The following CSMD3 variants were observed in gnomAD, a reference collection of about 807,000 sequenced individuals.
CSMD3 encodes the protein CUB and Sushi multiple domains 3, also known as CUB and sushi domain-containing protein 3.
A neutral mutation model predicts 435.2 loss-of-function variants in CSMD3; 177 were observed. That is an observed-to-expected ratio of 0.41 (90% CI 0.36 to 0.46). CSMD3 has a LOEUF of 0.46. Ranked by LOEUF, CSMD3 falls within the 20% of genes least tolerant of loss-of-function variation. CSMD3 has a pLI of 0.34. For missense variants in CSMD3, 4,265 were observed against 4,504.6 expected, an observed-to-expected ratio of 0.95 and a Z score of 1.52; for synonymous variants, 1,656 against 1,520.5, an observed-to-expected ratio of 1.09 and a Z score of -2.07.
chr8:112,536,933 A>C (rs921942846), intron 27 of CSMD3, among the ~76,000 whole-genome samples: 1 of 151,584 alleles, frequency 6.6e-6, no homozygotes, highest in African/African-American at 2.4e-5. Flanking sequence ...AAAACCAAAC[A>C]CCGCATATTC....
At chr8:113,268,892 A>G (rs2093495143) in intron 3 of CSMD3, among the ~76,000 whole-genome samples, 1 of 152,032 alleles carries the variant, frequency 6.6e-6, no homozygotes, top group African/African-American at 2.4e-5. Flanking sequence ...ATTCAGATAT[A>G]TTTTATACGT....
rs189772073 is a variant in CSMD3 at position 113,170,996 on chromosome 8, A to C, written c.709+2726T>G. Among the ~76,000 whole-genome samples, 166 of 151,934 alleles carry C rather than the reference A, an allele frequency of 1.1e-3. 1 individual carries two copies. The highest frequency in any genetic ancestry group is 8.5e-4 in the Non-Finnish European group (58 of 67,888). On this transcript the variant is annotated intron_variant, in intron 4 of 70. Transcript: ENST00000297405. Reference sequence around the variant, plus strand: ...TAGCAGAGTTTAACCCTGAAACTAAAATGGCAATAGAAAAAAAAAAAAGCA... The same window carrying C: ...TAGCAGAGTTTAACCCTGAAACTAACATGGCAATAGAAAAAAAAAAAAGCA...
intron 31 of CSMD3, among the ~76,000 whole-genome samples, chr8:112,474,441 G>A (rs530218797): frequency 6.6e-6 from 1 of 152,276 alleles, no homozygotes; most frequent in South Asian, 2.1e-4. Flanking sequence ...AGTTGAATGA[G>A]TGTTCTTTGT....
intron 4 of CSMD3, among the ~76,000 whole-genome samples, chr8:113,108,316 T>C (rs2090540914): frequency 6.6e-6 from 1 of 151,650 alleles, no homozygotes; most frequent in South Asian, 2.1e-4. Flanking sequence ...TAGTCCCAGC[T>C]ACTCAGGAGG....
chr8:113,370,209 T>C (rs1440947676), intron 1 of CSMD3, among the ~76,000 whole-genome samples: 1 of 151,010 alleles, frequency 6.6e-6, no homozygotes, highest in Non-Finnish European at 1.5e-5. Flanking sequence ...AATATTTAAA[T>C]AAATTTAAAA....
intron 23 of CSMD3, among the ~76,000 whole-genome samples, chr8:112,586,273 A>T (rs1422401122): frequency 6.6e-6 from 1 of 151,504 alleles, no homozygotes. Context: ...TGAATTTTTC[A>T]CCTGGCTTTA....
intron 38 of CSMD3, among the ~76,000 whole-genome samples, chr8:112,353,973 G>C (rs1242832870): frequency 6.6e-6 from 1 of 152,094 alleles, no homozygotes; most frequent in Admixed American, 6.6e-5. Context: ...ACCAACTCCA[G>C]TAGCATATCA....
chr8:112,984,994 T>TGATAGATATA (rs1554740292), intron 6 of CSMD3, among the ~76,000 whole-genome samples: 1 of 148,310 alleles, frequency 6.7e-6, no homozygotes, highest in African/African-American at 2.5e-5. Flanking sequence ...TGATAGATTA[T>TGATAGATATA]GATAGATAGA....
intron 45 of CSMD3, among the ~76,000 whole-genome samples, chr8:112,323,624 A>G (rs907139751): frequency 5.9e-5 from 9 of 152,098 alleles, no homozygotes; most frequent in Non-Finnish European, 7.4e-5. Flanking sequence ...AAGCTAAGGA[A>G]TGCCAAAGAT....
intron 46 of CSMD3, among the ~76,000 whole-genome samples, chr8:112,319,546 T>C (rs1474298039): frequency 6.6e-6 from 1 of 152,144 alleles, no homozygotes; most frequent in Non-Finnish European, 1.5e-5. Context: ...CTACAAACCA[T>C]TCATTCTGCC....
At chr8:113,084,565 T>C (rs1002259004) in intron 5 of CSMD3, among the ~76,000 whole-genome samples, 8 of 137,384 alleles carry the variant, frequency 5.8e-5, no homozygotes, top group African/African-American at 2.2e-4. Context: ...TCTATCAAAA[T>C]ACCAATGACA....
intron 13 of CSMD3, among the ~76,000 whole-genome samples, chr8:112,712,804 A>T: frequency 6.6e-6 from 1 of 152,124 alleles, no homozygotes; most frequent in East Asian, 1.9e-4. Context: ...ATAAAAAAAA[A>T]AAAAAAGAGC....
At chr8:112,346,483 A>T (rs1213363287) in intron 40 of CSMD3, among the ~76,000 whole-genome samples, 1 of 152,152 alleles carries the variant, frequency 6.6e-6, no homozygotes, top group Non-Finnish European at 1.5e-5. Flanking sequence ...CATGTGCAGT[A>T]AATATAAACG....
At chr8:112,243,235 TA>T (rs5894078) in intron 65 of CSMD3, among the ~76,000 whole-genome samples, 99 of 148,974 alleles carry the variant, frequency 6.6e-4, no homozygotes, top group African/African-American at 1.7e-3. Context: ...ATTTCAATCA[TA>T]AAAAAAAAAT....
chr8:112,314,743 T>C (rs1822306300), intron 47 of CSMD3, 126 bp from the exon 48 acceptor site: 1 of 722,768 alleles, frequency 1.4e-6, no homozygotes, highest in Middle Eastern at 2.7e-4. Context: ...GAATTATTTG[T>C]TAGAAGAGAC....
intron 3 of CSMD3, among the ~76,000 whole-genome samples, chr8:113,272,771 T>C (rs2093539176): frequency 6.6e-6 from 1 of 152,172 alleles, no homozygotes; most frequent in Admixed American, 6.6e-5. Context: ...TTTCCACAAA[T>C]CTGGAACTAT....
At chr8:112,846,928 T>C (rs1292861514) in intron 11 of CSMD3, among the ~76,000 whole-genome samples, 2 of 152,076 alleles carry the variant, frequency 1.3e-5, no homozygotes, top group Non-Finnish European at 2.9e-5. Context: ...CCTTTAAAAT[T>C]CTACTGCCAA....
chr8:113,327,054 G>C (rs543175017), intron 1 of CSMD3, among the ~76,000 whole-genome samples: 4 of 152,172 alleles, frequency 2.6e-5, no homozygotes, highest in African/African-American at 7.2e-5. Flanking sequence ...CTAAGTCCCA[G>C]CTGGATTTCC....
intron 4 of CSMD3, among the ~76,000 whole-genome samples, chr8:113,171,128 A>G (rs543331970): frequency 3.3e-5 from 5 of 152,268 alleles, no homozygotes; most frequent in African/African-American, 1.2e-4. Context: ...GGGAGGAAAT[A>G]GTAACAGGTG....
Sources: allele counts gnomAD v4.1 joint callset (sites outside exome capture counted in the v4.1 genomes callset), GRCh38; gene constraint gnomAD v4.1.1; transcripts MANE v1.5; gene names NCBI Gene and HGNC (gene_info 2026-07-23, HGNC 2026-07-21).